The following RBFOX3 variants were observed in gnomAD, a reference collection of about 807,000 sequenced individuals.
RBFOX3 encodes the protein RNA binding protein fox-1 homolog 3.
RBFOX3 carries 17 observed loss-of-function variants against 48.7 expected under a neutral mutation model. That is an observed-to-expected ratio of 0.35 (90% confidence interval 0.24 to 0.52). The LOEUF (loss-of-function observed/expected upper bound fraction) is 0.52, where lower values mean the gene tolerates loss of function less well. Ranked by LOEUF, RBFOX3 falls within the 20% of genes least tolerant of loss-of-function variation. The pLI is 0.94. For synonymous variants in RBFOX3, 212 were observed against 209.5 expected, an observed-to-expected ratio of 1.01 and a Z score of -0.10; for missense variants, 382 against 497.5, an observed-to-expected ratio of 0.77 and a Z score of 2.21.
chr17:79,399,005 C>T (rs570273517), intron 2 of RBFOX3, among the ~76,000 whole-genome samples: 1 of 152,260 alleles, frequency 6.6e-6, no homozygotes, highest in East Asian at 1.9e-4. Context: ...AGGAAAACAC[C>T]GTGTGAAGAC....
intron 2 of RBFOX3, among the ~76,000 whole-genome samples, chr17:79,346,762 G>A (rs2082992196): frequency 6.6e-6 from 1 of 152,094 alleles, no homozygotes; most frequent in South Asian, 2.1e-4. Flanking sequence ...TGTACATTTT[G>A]CCTGTATAAG....
rs2078817229 is a variant in RBFOX3, at chr17:79,481,797, T to C, written c.-175+657A>G. Among the ~76,000 whole-genome samples the C allele has an allele frequency of 1.3e-5, 2 of 152,338 alleles. No homozygotes were observed. Among genetic ancestry groups the C allele is most frequent in the African/African-American group, 2.4e-5 (1 of 41,572 alleles). ...TAGTGCTTTTTTGTTGCTGTCGTTC[T>C]GTGAACTGTAGCAAATTATCAAAAC... On this transcript the variant is annotated intron_variant, in intron 2 of 14. Transcript: ENST00000693108. This position sits in a 1 kb window ranked among gnomAD's most constrained non-coding sequence, Gnocchi z 5.4.
intron 1 of RBFOX3, among the ~76,000 whole-genome samples, chr17:79,533,533 C>A (rs140261286): frequency 1.2e-3 from 176 of 152,346 alleles, no homozygotes; most frequent in African/African-American, 3.8e-3. Flanking sequence ...TTCTGAAAAG[C>A]ATTTCCATTA....
chr17:79,545,171 A>T (rs190868712), intron 1 of RBFOX3, among the ~76,000 whole-genome samples: 104 of 152,296 alleles, frequency 6.8e-4, no homozygotes, highest in African/African-American at 2.4e-3. Context: ...AAAAGAAAGA[A>T]GTCCACGTAG....
intron 4 of RBFOX3, among the ~76,000 whole-genome samples, chr17:79,229,649 C>T (rs2060773058): frequency 6.6e-6 from 1 of 151,640 alleles, no homozygotes; most frequent in Non-Finnish European, 1.5e-5. Context: ...CAGAGAGCTC[C>T]TTTGGGGTGG....
At chr17:79,162,858 T>C (rs1239552253) in intron 4 of RBFOX3, among the ~76,000 whole-genome samples, 2 of 152,042 alleles carry the variant, frequency 1.3e-5, no homozygotes, top group Non-Finnish European at 2.9e-5. Context: ...AAGTAGGTGC[T>C]GGAATGGAAA....
chr17:79,138,300 G>C lies in RBFOX3; in HGVS notation c.-33-22552C>G, dbSNP rs534697298. On this transcript the variant is annotated intron_variant, in intron 4 of 14. Coordinates refer to ENST00000693108, the MANE Select transcript of RBFOX3 (RefSeq NM_001350451.2). The stretch of plus-strand genomic sequence containing the variant: ...ATGTGCATACACACAGTACACACTC[G>C]CACACTGTGTGGACTCACCCGAGCA... Among the ~76,000 whole-genome samples, 3 of 152,136 alleles carry C rather than the reference G, an allele frequency of 2.0e-5. No homozygotes were observed. The East Asian group carries it at 5.8e-4, about 29-fold the overall frequency.
intron 3 of RBFOX3, among the ~76,000 whole-genome samples, chr17:79,291,585 T>C (rs1235899335): frequency 6.6e-6 from 1 of 152,196 alleles, no homozygotes; most frequent in Non-Finnish European, 1.5e-5. Context: ...CCCTTGAGCC[T>C]CACAGTCCCT....
At chr17:79,459,007 C>T (rs1000977943) in intron 2 of RBFOX3, among the ~76,000 whole-genome samples, 12 of 152,202 alleles carry the variant, frequency 7.9e-5, no homozygotes, top group African/African-American at 2.9e-4. Flanking sequence ...AGGCCTCCAC[C>T]TGTGCCCACT....
intron 4 of RBFOX3, among the ~76,000 whole-genome samples, chr17:79,120,382 G>A (rs1418664647): frequency 6.6e-6 from 1 of 151,854 alleles, no homozygotes; most frequent in African/African-American, 2.4e-5. Context: ...TAAATGGATG[G>A]TTGGATAGAT....
chr17:79,284,865 A>G (rs1266711239), intron 3 of RBFOX3, among the ~76,000 whole-genome samples: 3 of 152,072 alleles, frequency 2.0e-5, no homozygotes, highest in Admixed American at 2.0e-4. Context: ...GACTGCCCTG[A>G]TGGACTTTGG....
chr17:79,632,313 T>C, the RBFOX3 span, among the ~76,000 whole-genome samples: 1 of 152,074 alleles, frequency 6.6e-6, no homozygotes, highest in Non-Finnish European at 1.5e-5. Flanking sequence ...GCCGGGGATG[T>C]GCTGCTTCTG....
At chr17:79,542,150 T>A (rs1555790550) in intron 1 of RBFOX3, among the ~76,000 whole-genome samples, 1 of 152,154 alleles carries the variant, frequency 6.6e-6, no homozygotes, top group African/African-American at 2.4e-5. Flanking sequence ...AGATTCCTTT[T>A]TATTTTTTCA....
chr17:79,537,077 C>G (rs1599077354), intron 1 of RBFOX3, among the ~76,000 whole-genome samples: 1 of 151,338 alleles, frequency 6.6e-6, no homozygotes. Flanking sequence ...GAATGAGACT[C>G]CGTCTCAAAC....
intron 1 of RBFOX3, among the ~76,000 whole-genome samples, chr17:79,585,446 AC>A (rs1459085211): frequency 1.6e-4 from 24 of 151,962 alleles, no homozygotes; most frequent in Non-Finnish European, 2.4e-4. Context: ...AATCCCAGCT[AC>A]TCAGGAGGCT....
chr17:79,269,658 A>G (rs557317456), intron 3 of RBFOX3, among the ~76,000 whole-genome samples: 30 of 150,134 alleles, frequency 2.0e-4, no homozygotes, highest in Non-Finnish European at 4.3e-4. Flanking sequence ...CTCCTGTTCC[A>G]CTGTCAGCTC....
rs938639958 is a variant in RBFOX3 at position 79,589,729 on chromosome 17, G to A, written c.-320+21097C>T. ...AGTGAAGAGGGGTCACATGCACCCC[G>A]ACACCCTCCACACAACCCAATACCC... On this transcript the variant is annotated intron_variant, in intron 1 of 14. Coordinates refer to ENST00000693108, the MANE Select transcript of RBFOX3 (RefSeq NM_001350451.2). 5.7e-4 allele frequency among the ~76,000 whole-genome samples: 86 copies of A among 152,152 alleles called. 3 individuals are homozygous for A. The South Asian group carries it at 0.017, about 31-fold the overall frequency.
rs1056091085 is a variant in RBFOX3 at position 79,090,658 on chromosome 17, C to T, written c.*225G>A. ...GCTGCCAGCCAGGACGCGGTGGGGCCGTCCTGTCCTGGGGCCGCTCCTCGG... is the reference window on the plus strand; with the variant it reads ...GCTGCCAGCCAGGACGCGGTGGGGCTGTCCTGTCCTGGGGCCGCTCCTCGG... On this transcript the variant is annotated 3_prime_UTR_variant, in exon 15 of 15. Coordinates refer to ENST00000693108, the MANE Select transcript of RBFOX3 (RefSeq NM_001350451.2). 11 of 551,262 alleles carry T rather than the reference C, an allele frequency of 2.0e-5. No homozygotes were observed. The highest frequency in any genetic ancestry group is 1.8e-4 in the East Asian group (6 of 32,866). 34.1% of individuals were successfully genotyped at this position (551,262 alleles called of 1,614,324 possible). A position where few individuals can be genotyped will look rare whatever the true frequency, so the allele number is the denominator to read the frequency against.
intron 4 of RBFOX3, among the ~76,000 whole-genome samples, chr17:79,161,252 A>G (rs933784214): frequency 6.6e-6 from 1 of 152,112 alleles, no homozygotes; most frequent in African/African-American, 2.4e-5. Flanking sequence ...GAGCCAAGGA[A>G]GGGGCCGGCA....
Sources: gnomAD v4.1 joint callset for allele counts (sites outside exome capture counted in the v4.1 genomes callset) on GRCh38, gnomAD v4.1.1 for gene constraint, Gnocchi (gnomAD v3.1) non-coding constraint, MANE v1.5 for transcripts, NCBI Gene and HGNC (gene_info 2026-07-23, HGNC 2026-07-21) for gene names.